CEP170B: variants seen among roughly 807,000 people sequenced by gnomAD.
CEP170B encodes the protein centrosomal protein of 170 kDa protein B.
Under a neutral mutation model 120.6 loss-of-function variants are expected in CEP170B, and 55 were observed. The observed-to-expected ratio is 0.46, with a 90% CI of 0.37 to 0.57. CEP170B has a LOEUF of 0.57. CEP170B is among the 20% of genes least tolerant of loss of function. The pLI, the probability that CEP170B is intolerant of heterozygous loss-of-function variation, is 0.00. For synonymous variants in CEP170B, 1,033 were observed against 954.5 expected, an observed-to-expected ratio of 1.08 and a Z score of -1.52; for missense variants, 2,212 against 2,253.3, an observed-to-expected ratio of 0.98 and a Z score of 0.37.
chr14:104,893,883 G>GAC, intron 16 of CEP170B, 34 bp downstream of exon 16: 1 of 1,577,836 alleles, frequency 6.3e-7, no homozygotes, highest in Non-Finnish European at 8.7e-7. Flanking sequence ...TGGACGCCCA[G>GAC]ACACCAGCAC....
At position 104,883,026 on chromosome 14, in the gene CEP170B, C is replaced by G. The variant is rs1896238517; in HGVS notation, c.578-9C>G. On this transcript the variant is annotated splice_polypyrimidine_tract_variant and intron_variant, in intron 7 of 18. Transcript: ENST00000414716. ...TGAGGCCCGGTCTGAAGACATCTTC[C>G]CACACCAGAGCGCCCCAAGGGACCA... The G allele has an allele frequency of 8.0e-6, 12 of 1,503,378 alleles. No homozygotes were observed. In the East Asian group the frequency reaches 2.9e-4, roughly 37 times the overall value. The allele number at this position is 1,503,378 out of a possible 1,614,324, so 93.1% of individuals were successfully genotyped here.
intron 13 of CEP170B, among the ~76,000 whole-genome samples, chr14:104,890,582 A>ATGGT (rs1362960212): frequency 1.7e-5 from 2 of 120,692 alleles, no homozygotes; most frequent in African/African-American, 6.4e-5. Context: ...GGATGGATGG[A>ATGGT]TGGATGGGTG....
At chr14:104,878,045 G>T in intron 4 of CEP170B, 82 bp downstream of exon 4, 3 of 1,162,374 alleles carry the variant, frequency 2.6e-6, no homozygotes, top group Non-Finnish European at 3.8e-6. Context: ...CCAGAAGCAG[G>T]GCTGTCACTG....
Position 104,892,967 on chromosome 14 carries a change from C to T in CEP170B, c.3879-9C>T, listed in dbSNP as rs756428041. ...GTGCAGAACCTGCCGTCTTTCCTGC[C>T]GGCTGCAGGCTGAGCCAGACGCTGG... On this transcript the variant is annotated splice_polypyrimidine_tract_variant and intron_variant, in intron 13 of 18. Transcript: ENST00000414716. 12 of 1,557,204 alleles carry T rather than the reference C, an allele frequency of 7.7e-6. No homozygotes were observed. The highest frequency in any genetic ancestry group is 2.4e-5 in the East Asian group (1 of 41,396).
rs1393518818 is a variant in CEP170B at position 104,870,491 on chromosome 14, G to T, written c.105+1936G>T. 3.3e-5 allele frequency among the ~76,000 whole-genome samples: 5 copies of T among 152,288 alleles called. No individual in the cohort carries two copies. In the East Asian group the frequency reaches 9.7e-4, roughly 29 times the overall value. On this transcript the variant is annotated intron_variant, in intron 2 of 18. Coordinates refer to ENST00000414716, the MANE Select transcript of CEP170B (RefSeq NM_001112726.3). The surrounding 1 kb of genome is among the most constrained non-coding windows in gnomAD (Gnocchi z 4.1). Reference sequence around the variant, plus strand: ...GTGATGGCCGCGCTGCTCTACCTAGGGTGGCTAGGAGGGCTTCTTGGAGGC... The same window carrying T: ...GTGATGGCCGCGCTGCTCTACCTAGTGTGGCTAGGAGGGCTTCTTGGAGGC...
At chr14:104,876,459 C>A in intron 3 of CEP170B, 114 bp downstream of exon 3, 1 of 954,870 alleles carries the variant, frequency 1.0e-6, no homozygotes, top group Non-Finnish European at 1.6e-6. Flanking sequence ...TCAGCCCTGG[C>A]CCCTCCCTCT....
In CEP170B at chr14:104,876,261, C is replaced by A; in HGVS notation, c.111C>A (p.Arg37=). The change falls in exon 3 of 19, where the codon CGC becomes CGA. Residue 37 remains arginine (R), a synonymous_variant. Transcript: ENST00000414716. ...CTGGCTGTGTGTCTCTCCAGTCCCGCAGCGTGGACAAGCAGCATGCCGTCA... is the reference window on the plus strand; with the variant it reads ...CTGGCTGTGTGTCTCTCCAGTCCCGAAGCGTGGACAAGCAGCATGCCGTCA... ...REECELMLQS[R]SVDKQHAVIN... 6.4e-7 allele frequency: 1 copy of A among 1,550,758 alleles called. No homozygotes were observed. Among genetic ancestry groups the A allele is most frequent in the Non-Finnish European group, 8.7e-7 (1 of 1,146,804 alleles).
rs1895177836 is a variant in CEP170B at position 104,865,862 on chromosome 14, C to CT, written c.-28+350dup. ...CCCGCCGGGCCCGGCCGCCTCCCTC[C>CT]TGGCCTGGTCTCTCCTCCCGCGGTC... On this transcript the variant is annotated intron_variant, in intron 1 of 18. Transcript: ENST00000414716. This position sits in a 1 kb window ranked among gnomAD's most constrained non-coding sequence, Gnocchi z 6.7. 7.2e-5 allele frequency among the ~76,000 whole-genome samples: 11 copies of CT among 152,240 alleles called. 1 individual carries two copies. The South Asian group carries it at 2.3e-3, about 32-fold the overall frequency.
chr14:104,883,814 T>C lies in CEP170B; in HGVS notation c.1052-17T>C. 2.0e-6 allele frequency: 3 copies of C among 1,517,006 alleles called. No individual in the cohort carries two copies. The highest frequency in any genetic ancestry group is 2.7e-6 in the Non-Finnish European group (3 of 1,130,436). The allele number at this position is 1,517,006 out of a possible 1,614,324, so 94.0% of individuals were successfully genotyped here. ...TTTCTCTCGGCCTGACAAGGTGGGG[T>C]CCCCTGTCTCCCCCAGGCCACAAGC... is the stretch of plus-strand genomic sequence containing the variant. On this transcript the variant is annotated splice_polypyrimidine_tract_variant and intron_variant, in intron 8 of 18. Coordinates refer to ENST00000414716, the MANE Select transcript of CEP170B (RefSeq NM_001112726.3).
intron 12 of CEP170B, 109 bp from the exon 13 acceptor site, chr14:104,889,511 C>A: frequency 6.4e-7 from 1 of 1,568,130 alleles, no homozygotes. Flanking sequence ...ATTCACTCAC[C>A]AAGACACGAG....
intron 6 of CEP170B, 105 bp downstream of exon 6, chr14:104,880,530 A>G (rs1896091602): frequency 4.8e-6 from 7 of 1,467,748 alleles, no homozygotes; most frequent in African/African-American, 1.4e-5. Flanking sequence ...TGCATATACC[A>G]TGTACACCCA....
chr14:104,896,248 C>A lies in CEP170B; in HGVS notation c.*1290C>A. Reference sequence around the variant, plus strand: ...GCGGGTGGTGTGTGTCCCCTGTTTACTTTTAGCTGAGCTGGGGTTGGGTGT... The same window carrying A: ...GCGGGTGGTGTGTGTCCCCTGTTTAATTTTAGCTGAGCTGGGGTTGGGTGT... On this transcript the variant is annotated 3_prime_UTR_variant, in exon 19 of 19. Coordinates refer to ENST00000414716, the MANE Select transcript of CEP170B (RefSeq NM_001112726.3). The A allele has an allele frequency of 3.8e-6, 1 of 263,344 alleles. No homozygotes were observed. The highest frequency in any genetic ancestry group is 7.7e-6 in the Non-Finnish European group (1 of 130,506). The allele number at this position is 263,344 out of a possible 1,614,324, so 16.3% of individuals were successfully genotyped here. A position where few individuals can be genotyped will look rare whatever the true frequency, so the allele number is the denominator to read the frequency against.
In CEP170B at chr14:104,894,741, G is replaced by T; in HGVS notation, c.4448G>T (p.Ser1483Ile). 1 of 1,595,458 alleles carries T rather than the reference G, an allele frequency of 6.3e-7. No homozygotes were observed. Among genetic ancestry groups the T allele is most frequent in the Non-Finnish European group, 8.5e-7 (1 of 1,170,730 alleles). ...VINAIVDPSG[S>I]LDLLTGNRSL... ...AATGCCATCGTGGACCCCAGTGGGA[G>T]CCTGGACCTGCTCACAGGAAACAGG... Residue 1483 changes from serine (S) to isoleucine (I), a missense_variant, in exon 19 of 19, where the codon AGC (serine) becomes ATC (isoleucine). Ser to Ile is a moderately radical substitution (Grantham distance 142, BLOSUM62 -2). Transcript: ENST00000414716.
Position 104,894,890 on chromosome 14 carries a change from G to T in CEP170B, c.4597G>T (p.Ala1533Ser), listed in dbSNP as rs1407362429. 13 of 1,602,150 alleles carry T rather than the reference G, an allele frequency of 8.1e-6. No homozygotes were observed. Among genetic ancestry groups the T allele is most frequent in the Non-Finnish European group, 1.1e-5 (13 of 1,175,184 alleles). The change falls in exon 19 of 19, where the codon GCC (alanine) becomes TCC (serine). Residue 1533 changes from alanine (A) to serine (S), a missense_variant. By Grantham distance (99) the Ala-to-Ser change is moderately conservative. Around this residue, in one of 2 missense-constraint regions of CEP170B, gnomAD observed 2,166 missense variants for 2,166.7 expected, o/e 1.00. Coordinates refer to ENST00000414716, the MANE Select transcript of CEP170B (RefSeq NM_001112726.3). The part of the protein sequence containing the change: ...ALPLRNFPQR[A>S]SCGPPSLPDP... ...GCCCCTGAGGAATTTCCCACAGCGG[G>T]CCAGCTGTGGGCCTCCCAGCCTCCC...
chr14:104,871,306 G>A (rs1895472173), intron 2 of CEP170B, among the ~76,000 whole-genome samples: 1 of 152,108 alleles, frequency 6.6e-6, no homozygotes, highest in African/African-American at 2.4e-5. Context: ...CTCGGTGGCT[G>A]AACCAAACCT....
At chr14:104,878,576 C>A in intron 5 of CEP170B, 75 bp downstream of exon 5, 1 of 1,501,850 alleles carries the variant, frequency 6.7e-7, no homozygotes, top group Non-Finnish European at 9.1e-7. Flanking sequence ...GCTCCCGCTG[C>A]CATCTCCCCA....
chr14:104,890,590 G>GGA (rs1896787614), intron 13 of CEP170B, among the ~76,000 whole-genome samples: 6 of 77,558 alleles, frequency 7.7e-5, no homozygotes, highest in East Asian at 3.2e-4. Flanking sequence ...GGATGGATGG[G>GGA]TGAGTGAGTG....
At chr14:104,865,201 G>T (rs1469120673), upstream of CEP170B, 1 of 145,102 alleles carries the variant, frequency 6.9e-6, no homozygotes, top group Non-Finnish European at 1.5e-5. This position sits in a 1 kb window ranked among gnomAD's most constrained non-coding sequence, Gnocchi z 6.7. Context: ...GCGCGGCCGG[G>T]CGGGGGCGGG....
chr14:104,869,863 T>C (rs564741121), intron 2 of CEP170B, among the ~76,000 whole-genome samples: 1 of 152,292 alleles, frequency 6.6e-6, no homozygotes, highest in South Asian at 2.1e-4. Flanking sequence ...TTGTGCCATT[T>C]CCACATTACT....
Sources: gnomAD v4.1 joint callset for allele counts (sites outside exome capture counted in the v4.1 genomes callset) on GRCh38, gnomAD v4.1.1 for gene constraint, gnomAD v4.1.1 regional missense constraint, Gnocchi (gnomAD v3.1) non-coding constraint, MANE v1.5 for transcripts, NCBI Gene and HGNC (gene_info 2026-07-23, HGNC 2026-07-21) for gene names.